EYS: variants seen among roughly 807,000 people sequenced by gnomAD.
EYS encodes the protein EGF-like photoreceptor maintenance factor, also known as protein eyes shut homolog.
Under a neutral mutation model 282.1 loss-of-function variants are expected in EYS, and 250 were observed. The observed-to-expected ratio is 0.89, with a 90% CI of 0.80 to 0.98. The LOEUF is 0.98. Among genes scored for constraint, EYS ranks in the 50% least tolerant of loss-of-function variants. The pLI is 0.00. For missense variants in EYS, 4,016 were observed against 3,709.0 expected, an observed-to-expected ratio of 1.08 and a Z score of -2.15; for synonymous variants, 1,355 against 1,282.9, an observed-to-expected ratio of 1.06 and a Z score of -1.20.
intron 12 of EYS, among the ~76,000 whole-genome samples, chr6:65,178,513 A>C (rs907694221): frequency 1.3e-5 from 2 of 151,998 alleles, no homozygotes; most frequent in African/African-American, 4.8e-5. Context: ...AGAGCTAACT[A>C]TCCTAAATAT....
At chr6:64,587,188 AT>A (rs569683360) in intron 26 of EYS, among the ~76,000 whole-genome samples, 1 of 151,262 alleles carries the variant, frequency 6.6e-6, no homozygotes, top group African/African-American at 2.4e-5. Context: ...TCAGAGTGTC[AT>A]TTTTTTTTCT....
At chr6:65,326,888 G>T (rs575292751) in intron 11 of EYS, among the ~76,000 whole-genome samples, 5 of 151,508 alleles carry the variant, frequency 3.3e-5, no homozygotes, top group South Asian at 4.2e-4. Context: ...TTCTTACAAA[G>T]ATTTGTCAGT....
At chr6:64,353,138 C>A (rs949266826) in intron 29 of EYS, among the ~76,000 whole-genome samples, 1 of 151,456 alleles carries the variant, frequency 6.6e-6, no homozygotes, top group Non-Finnish European at 1.5e-5. Context: ...TATAGGAACA[C>A]AGAATTCCCT....
At chr6:63,872,149 C>A (rs150536646) in intron 35 of EYS, among the ~76,000 whole-genome samples, 98 of 152,298 alleles carry the variant, frequency 6.4e-4, no homozygotes, top group African/African-American at 2.1e-3. Flanking sequence ...TTTGTGGTGG[C>A]TTCTCAGTGA....
intron 31 of EYS, among the ~76,000 whole-genome samples, chr6:64,126,049 C>T (rs534008073): frequency 4.2e-4 from 64 of 152,048 alleles, no homozygotes; most frequent in African/African-American, 1.5e-3. Flanking sequence ...AACACTTTTA[C>T]ACTGTTGGTG....
intron 36 of EYS, among the ~76,000 whole-genome samples, chr6:63,814,743 G>C (rs1463279223): frequency 6.6e-6 from 1 of 152,082 alleles, no homozygotes; most frequent in Admixed American, 6.5e-5. Context: ...TGTCAGAAAA[G>C]GGGAAAAAAT....
At position 64,129,967 on chromosome 6, in the gene EYS, C is replaced by G. The variant is rs571927845; in HGVS notation, c.6425-47965G>C. Among the ~76,000 whole-genome samples the G allele has an allele frequency of 2.3e-3, 344 of 152,230 alleles. 2 individuals are homozygous for G. Among genetic ancestry groups the G allele is most frequent in the Middle Eastern group, 0.014 (4 of 294 alleles). On this transcript the variant is annotated intron_variant, in intron 31 of 42. Coordinates refer to ENST00000503581, the MANE Select transcript of EYS (RefSeq NM_001142800.2). Reference sequence around the variant, plus strand: ...ATATGTGGCATTATTTCTGAGGGCTCTGTTCTGTTCCATTGGTCTATATCT... The same window carrying G: ...ATATGTGGCATTATTTCTGAGGGCTGTGTTCTGTTCCATTGGTCTATATCT...
intron 22 of EYS, among the ~76,000 whole-genome samples, chr6:64,687,027 C>A (rs1174082138): frequency 6.7e-6 from 1 of 149,342 alleles, no homozygotes. Context: ...CACAATTTTC[C>A]TAAATGAGAA....
intron 35 of EYS, among the ~76,000 whole-genome samples, chr6:63,963,249 T>C (rs1305811231): frequency 3.3e-5 from 5 of 151,838 alleles, no homozygotes; most frequent in African/African-American, 9.7e-5. Context: ...ATTGTGCACA[T>C]GTACCCTAAA....
chr6:64,724,069 T>G (rs1331358136), intron 22 of EYS, among the ~76,000 whole-genome samples: 1 of 121,620 alleles, frequency 8.2e-6, no homozygotes, highest in Non-Finnish European at 1.7e-5. Flanking sequence ...ATCATTGTTG[T>G]TTTTTTTTTT....
chr6:63,966,151 G>T (rs1220035907), intron 35 of EYS, among the ~76,000 whole-genome samples: 2 of 152,144 alleles, frequency 1.3e-5, no homozygotes. Context: ...AGAAACTGTA[G>T]TATGTATGTA....
chr6:63,922,715 C>T (rs1764607697), intron 35 of EYS, among the ~76,000 whole-genome samples: 3 of 152,172 alleles, frequency 2.0e-5, no homozygotes, highest in African/African-American at 7.2e-5. Flanking sequence ...TGTTTGTCCT[C>T]AATGTAGAAA....
intron 31 of EYS, among the ~76,000 whole-genome samples, chr6:64,193,642 C>T (rs1438414147): frequency 2.0e-5 from 3 of 151,682 alleles, no homozygotes; most frequent in African/African-American, 7.3e-5. Context: ...TAATGCTATC[C>T]CTCCTCCCTA....
intron 33 of EYS, among the ~76,000 whole-genome samples, chr6:64,036,873 G>T (rs1187612028): frequency 1.3e-5 from 2 of 152,158 alleles, no homozygotes; most frequent in Non-Finnish European, 2.9e-5. Flanking sequence ...GGAGGATAGT[G>T]GCAATGCTAG....
chr6:65,289,473 T>C (rs1170676931), intron 12 of EYS, among the ~76,000 whole-genome samples: 1 of 151,120 alleles, frequency 6.6e-6, no homozygotes, highest in Non-Finnish European at 1.5e-5. Flanking sequence ...CCCAAATATG[T>C]GGATATGTTA....
intron 33 of EYS, among the ~76,000 whole-genome samples, chr6:64,059,241 T>A (rs777063327): frequency 6.6e-6 from 1 of 152,194 alleles, no homozygotes; most frequent in Non-Finnish European, 1.5e-5. Context: ...TCTTTGTGGT[T>A]GCTCTCAGAA....
chr6:65,407,033 A>G (rs1766774894), intron 5 of EYS, among the ~76,000 whole-genome samples: 1 of 152,106 alleles, frequency 6.6e-6, no homozygotes, highest in African/African-American at 2.4e-5. Context: ...ATTTTATTAA[A>G]TCAATAGATA....
chr6:64,912,252 A>G (rs546486243), intron 16 of EYS, among the ~76,000 whole-genome samples: 4 of 152,128 alleles, frequency 2.6e-5, no homozygotes, highest in African/African-American at 9.6e-5. Flanking sequence ...CCAAAAAGCT[A>G]TAAAGCTTCA....
At chr6:65,568,149 C>T (rs980341210) in intron 2 of EYS, among the ~76,000 whole-genome samples, 3 of 152,098 alleles carry the variant, frequency 2.0e-5, no homozygotes, top group African/African-American at 7.2e-5. Context: ...TTTAAATCCC[C>T]AACTGAACTA....
Sources: gnomAD v4.1 joint callset for allele counts (sites outside exome capture counted in the v4.1 genomes callset) on GRCh38, gnomAD v4.1.1 for gene constraint, MANE v1.5 for transcripts, NCBI Gene and HGNC (gene_info 2026-07-23, HGNC 2026-07-21) for gene names.